The following TEKT1 variants were observed in gnomAD, a reference collection of about 807,000 sequenced individuals.
The protein encoded by TEKT1 is tektin 1.
TEKT1 carries 32 observed loss-of-function variants against 34.8 expected under a neutral mutation model. The observed-to-expected ratio is 0.92, with a 90% CI of 0.69 to 1.23. The LOEUF is 1.23. TEKT1 is among the 50% of genes most tolerant of loss of function. The probability of loss-of-function intolerance (pLI) is 0.00; values close to 1 mark genes in which losing one functional copy is unlikely to be tolerated. For synonymous variants in TEKT1, 207 were observed against 199.8 expected (o/e 1.04, Z -0.30); for missense variants, 492 against 518.5 (o/e 0.95, Z 0.50).
intron 3 of TEKT1, among the ~76,000 whole-genome samples, chr17:6,818,666 G>T (rs56110962): frequency 0.056 from 8,539 of 152,180 alleles, 297 homozygotes; most frequent in South Asian, 0.083. Flanking sequence ...ATTAAGTTCT[G>T]TCAATAGGAT....
intron 6 of TEKT1, among the ~76,000 whole-genome samples, chr17:6,802,731 T>C (rs1427976142): frequency 3.3e-5 from 5 of 150,168 alleles, no homozygotes; most frequent in Non-Finnish European, 5.9e-5. Context: ...GAACATGCGG[T>C]GTTTGGTTTT....
At chr17:6,829,853 G>GT (rs1904520770) in intron 2 of TEKT1, among the ~76,000 whole-genome samples, 1 of 151,736 alleles carries the variant, frequency 6.6e-6, no homozygotes, top group Non-Finnish European at 1.5e-5. Flanking sequence ...ATTAATTTTT[G>GT]TATCTTTATC....
At chr17:6,808,432 C>T (rs1375033028) in intron 6 of TEKT1, among the ~76,000 whole-genome samples, 1 of 152,174 alleles carries the variant, frequency 6.6e-6, no homozygotes, top group East Asian at 1.9e-4. Context: ...GGCAATGCCT[C>T]ACCGTGCTTC....
chr17:6,827,863 A>G (rs1227054021), intron 2 of TEKT1, among the ~76,000 whole-genome samples: 3 of 152,172 alleles, frequency 2.0e-5, no homozygotes, highest in Middle Eastern at 3.4e-3. Flanking sequence ...GCTAATTTTA[A>G]AATGATTCCA....
intron 2 of TEKT1, among the ~76,000 whole-genome samples, chr17:6,826,916 C>T (rs1174842574): frequency 2.0e-5 from 3 of 152,048 alleles, no homozygotes; most frequent in Non-Finnish European, 2.9e-5. Context: ...AGGATGGTCT[C>T]GCTGTCCTGA....
Position 6,799,971 on chromosome 17 carries a change from C to T in TEKT1, c.*56G>A. The T allele has an allele frequency of 2.0e-6, 3 of 1,525,908 alleles. 1 individual carries two copies. The highest frequency in any genetic ancestry group is 3.6e-5 in the Admixed American group (2 of 55,518). 94.5% of individuals were successfully genotyped at this position (1,525,908 alleles called of 1,614,324 possible). On this transcript the variant is annotated 3_prime_UTR_variant, in exon 8 of 8. Coordinates refer to ENST00000338694, the MANE Select transcript of TEKT1 (RefSeq NM_053285.2). The stretch of plus-strand genomic sequence containing the variant: ...GCCAGCCTGAAATGAGAGCTCTGTA[C>T]TACTGTAACTACTGTTTACAATGTG...
chr17:6,818,528 C>A (rs74628192), intron 3 of TEKT1, among the ~76,000 whole-genome samples: 19,458 of 152,126 alleles, frequency 0.13, 1,450 homozygotes, highest in Middle Eastern at 0.22. Context: ...GACATACTGT[C>A]CCCTGGGAGC....
intron 6 of TEKT1, among the ~76,000 whole-genome samples, chr17:6,810,438 G>A (rs1293812793): frequency 6.6e-6 from 1 of 152,020 alleles, no homozygotes; most frequent in Non-Finnish European, 1.5e-5. Context: ...CATTGTCTTA[G>A]GGATTTTTAA....
chr17:6,820,645 C>G (rs1278564178), intron 2 of TEKT1, among the ~76,000 whole-genome samples: 1 of 151,934 alleles, frequency 6.6e-6, no homozygotes, highest in Non-Finnish European at 1.5e-5. Context: ...ATTTTCTTTC[C>G]TCCTTGGAGA....
intron 6 of TEKT1, among the ~76,000 whole-genome samples, chr17:6,810,883 C>T (rs532729079): frequency 5.9e-5 from 9 of 152,196 alleles, no homozygotes; most frequent in African/African-American, 1.9e-4. Context: ...TGATTACAGG[C>T]GCCTGCCACC....
intron 2 of TEKT1, among the ~76,000 whole-genome samples, chr17:6,828,045 A>G (rs1353871721): frequency 2.0e-5 from 3 of 151,978 alleles, no homozygotes; most frequent in African/African-American, 7.3e-5. Context: ...CCTTGGTTCA[A>G]GCGATTCTCC....
intron 6 of TEKT1, 66 bp from the exon 7 acceptor site, chr17:6,801,009 G>A: frequency 1.4e-6 from 2 of 1,435,182 alleles, no homozygotes; most frequent in Non-Finnish European, 1.9e-6. Context: ...GCTGACAGCA[G>A]ATGGGTTGTG....
chr17:6,809,676 C>T (rs551641982), intron 6 of TEKT1, among the ~76,000 whole-genome samples: 7 of 152,160 alleles, frequency 4.6e-5, no homozygotes, highest in Non-Finnish European at 7.3e-5. Flanking sequence ...CCCTGACAAC[C>T]GCTGATCTTT....
At chr17:6,808,587 T>A (rs1432830470) in intron 6 of TEKT1, among the ~76,000 whole-genome samples, 4 of 152,180 alleles carry the variant, frequency 2.6e-5, no homozygotes, top group Non-Finnish European at 5.9e-5. Context: ...CTGGAGCTGT[T>A]CCTATTTGAC....
intron 3 of TEKT1, among the ~76,000 whole-genome samples, chr17:6,818,891 T>A (rs1977045812): frequency 6.6e-6 from 1 of 152,190 alleles, no homozygotes; most frequent in South Asian, 2.1e-4. Context: ...TCTTTGAATG[T>A]AAGAGAGAAA....
At chr17:6,820,966 A>G (rs1977080184) in intron 2 of TEKT1, among the ~76,000 whole-genome samples, 1 of 151,430 alleles carries the variant, frequency 6.6e-6, no homozygotes, top group Non-Finnish European at 1.5e-5. Context: ...ACAGTTTGTA[A>G]CTCTTTTTTA....
chr17:6,815,283 T>C lies in TEKT1; in HGVS notation c.509A>G (p.Asn170Ser), dbSNP rs1395072621. 2.5e-6 allele frequency: 4 copies of C among 1,614,204 alleles called. No individual in the cohort carries two copies. The Admixed American group carries it at 5.0e-5, about 20-fold the overall frequency. ...QIRMNRSAKYNLEKDLKDKFV... is the reference protein window; with the variant it reads ...QIRMNRSAKYSLEKDLKDKFV... The stretch of plus-strand genomic sequence containing the variant: ...CTTGTCCTTCAAATCCTTCTCAAGA[T>C]TGTACTTGGCAGAGCGGTTCATCCT... Residue 170 changes from asparagine (N) to serine (S), a missense_variant, in exon 5 of 8, where the codon AAT becomes AGT. Transcript: ENST00000338694.
At chr17:6,830,147 T>TCCTA (rs759796648) in intron 2 of TEKT1, 40 bp downstream of exon 2, 2 of 1,579,714 alleles carry the variant, frequency 1.3e-6, no homozygotes, top group East Asian at 4.5e-5. Flanking sequence ...AACAGCCTCA[T>TCCTA]CCTAGCATGT....
intron 6 of TEKT1, among the ~76,000 whole-genome samples, chr17:6,812,162 G>C (rs1976937381): frequency 1.3e-5 from 2 of 152,070 alleles, no homozygotes; most frequent in South Asian, 4.2e-4. Flanking sequence ...GTCTCCTGCT[G>C]CCTTGTGAAG....
Sources: gnomAD v4.1 joint callset for allele counts (sites outside exome capture counted in the v4.1 genomes callset) on GRCh38, gnomAD v4.1.1 for gene constraint, MANE v1.5 for transcripts, NCBI Gene and HGNC (gene_info 2026-07-23, HGNC 2026-07-21) for gene names.